The following CFAP61 variants were observed in gnomAD, a reference collection of about 807,000 sequenced individuals.
The protein encoded by CFAP61 is cilia- and flagella-associated protein 61.
A neutral mutation model predicts 135.6 loss-of-function variants in CFAP61; 107 were observed. The ratio of observed to expected loss-of-function variants is 0.79; its 90% CI spans 0.67 to 0.93. The LOEUF is 0.93. CFAP61 is among the 40% of genes least tolerant of loss of function. The pLI, the probability that CFAP61 is intolerant of heterozygous loss-of-function variation, is 0.00. For missense variants in CFAP61, 1,507 were observed against 1,556.2 expected (o/e 0.97, Z 0.53); for synonymous variants, 575 against 578.5 (o/e 0.99, Z 0.09).
At position 20,196,636 on chromosome 20, in the gene CFAP61, G is replaced by A. The variant is rs116476718; in HGVS notation, c.1657G>A (p.Glu553Lys). Reference sequence around the variant, plus strand: ...CATCTACTTCAGTCACCACCAGCGCGAAGAACACGGGCACATGCATCACTT... The same window carrying A: ...CATCTACTTCAGTCACCACCAGCGCAAAGAACACGGGCACATGCATCACTT... Reference protein sequence around the residue: ...DFIYFSHHQREEHGHMHHFAL... With the variant: ...DFIYFSHHQRKEHGHMHHFAL... The change falls in exon 16 of 27, where the codon GAA (glutamate) becomes AAA (lysine). Residue 553 changes from glutamate to lysine, a missense_variant. Glu to Lys is a moderately conservative substitution (Grantham distance 56, BLOSUM62 1). Transcript: ENST00000245957. 2,298 of 1,614,092 alleles carry A rather than the reference G, an allele frequency of 1.4e-3. 20 individuals are homozygous for A. Among genetic ancestry groups the A allele is most frequent in the South Asian group, 0.011 (968 of 91,078 alleles).
At chr20:20,285,119 C>T (rs1169350682) in intron 22 of CFAP61, among the ~76,000 whole-genome samples, 1 of 152,174 alleles carries the variant, frequency 6.6e-6, no homozygotes, top group Non-Finnish European at 1.5e-5. Flanking sequence ...CCACCATCTT[C>T]CAACATCCAT....
intron 7 of CFAP61, among the ~76,000 whole-genome samples, chr20:20,094,180 T>A (rs1017908407): frequency 2.0e-5 from 3 of 152,254 alleles, no homozygotes. Flanking sequence ...ATTTATTTTT[T>A]AAATGTTTAT....
chr20:20,094,243 C>T (rs1223319735), intron 7 of CFAP61, among the ~76,000 whole-genome samples: 4 of 152,104 alleles, frequency 2.6e-5, no homozygotes, highest in African/African-American at 7.2e-5. Context: ...CCCGCTTTCA[C>T]GTATTCTTGT....
At chr20:20,303,813 G>T (rs887513289) in intron 25 of CFAP61, among the ~76,000 whole-genome samples, 5 of 152,204 alleles carry the variant, frequency 3.3e-5, no homozygotes, top group African/African-American at 1.2e-4. Context: ...CGGGAGGGCT[G>T]ACAGTTAACC....
rs546781367 is a variant in CFAP61 at position 20,096,555 on chromosome 20, G to T, written c.700-2100G>T. ...TCATACACATGCAGCTCGCTGTGAA[G>T]CCAGCAAAAGGTATTTCAGGCCATC... On this transcript the variant is annotated intron_variant, in intron 7 of 26. Coordinates refer to ENST00000245957, the MANE Select transcript of CFAP61 (RefSeq NM_015585.4). Among the ~76,000 whole-genome samples the T allele has an allele frequency of 2.2e-4, 34 of 152,352 alleles. No homozygotes were observed. The South Asian group carries it at 6.4e-3, about 29-fold the overall frequency.
chr20:20,071,874 T>C (rs974645543), intron 3 of CFAP61, among the ~76,000 whole-genome samples: 19 of 152,118 alleles, frequency 1.2e-4, no homozygotes, highest in African/African-American at 4.6e-4. Context: ...GTCAGAAAAA[T>C]TATCGCAAAC....
At chr20:20,326,808 G>A (rs558209411) in intron 25 of CFAP61, among the ~76,000 whole-genome samples, 9 of 152,114 alleles carry the variant, frequency 5.9e-5, no homozygotes, top group African/African-American at 1.7e-4. Context: ...TATTCTTTCC[G>A]AATGTATTAT....
At chr20:20,182,807 T>C (rs73283146) in intron 13 of CFAP61, among the ~76,000 whole-genome samples, 13 of 152,368 alleles carry the variant, frequency 8.5e-5, no homozygotes, top group African/African-American at 3.1e-4. Context: ...TTGTTTGCTA[T>C]GAGAATGCTT....
At chr20:20,249,567 C>T (rs1010067559) in intron 19 of CFAP61, among the ~76,000 whole-genome samples, 2 of 152,088 alleles carry the variant, frequency 1.3e-5, no homozygotes, top group Non-Finnish European at 2.9e-5. Flanking sequence ...AATGTAGTAA[C>T]ATATTGTAAC....
At position 20,168,552 on chromosome 20, in the gene CFAP61, G is replaced by A. The variant is rs1450260784; in HGVS notation, c.1246-769G>A. 9.9e-5 allele frequency among the ~76,000 whole-genome samples: 15 copies of A among 152,244 alleles called. No individual in the cohort carries two copies. The East Asian group carries it at 2.7e-3, about 27-fold the overall frequency. ...TGTTATAAAATTTACAGTTGGATACGTAGATTCACATAATCCAAGCACACA... is the reference window on the plus strand; with the variant it reads ...TGTTATAAAATTTACAGTTGGATACATAGATTCACATAATCCAAGCACACA... On this transcript the variant is annotated intron_variant, in intron 12 of 26. Transcript: ENST00000245957.
At chr20:20,181,107 C>T (rs139747015) in intron 13 of CFAP61, among the ~76,000 whole-genome samples, 18 of 151,594 alleles carry the variant, frequency 1.2e-4, no homozygotes, top group Admixed American at 4.6e-4. Flanking sequence ...ACCCCAATGA[C>T]ACAAGTTTGT....
At chr20:20,066,243 T>C (rs1189285187) in intron 2 of CFAP61, among the ~76,000 whole-genome samples, 2 of 152,166 alleles carry the variant, frequency 1.3e-5, no homozygotes, top group African/African-American at 4.8e-5. Context: ...TGTAAATTAG[T>C]TCAACCATTG....
At chr20:20,238,910 A>G (rs181402288) in intron 18 of CFAP61, among the ~76,000 whole-genome samples, 1 of 151,964 alleles carries the variant, frequency 6.6e-6, no homozygotes. Flanking sequence ...GTGAAAATGC[A>G]GGTGCCCTTG....
At chr20:20,265,386 T>C (rs541315358) in intron 21 of CFAP61, 77 of 779,674 alleles carry the variant, frequency 9.9e-5, no homozygotes, top group Non-Finnish European at 1.7e-4. Flanking sequence ...CTCTTTCATG[T>C]GCCTTTGTAT....
chr20:20,191,220 A>G, intron 14 of CFAP61, 122 bp from the exon 15 acceptor site: 1 of 634,370 alleles, frequency 1.6e-6, no homozygotes, highest in South Asian at 2.7e-5. Context: ...GGCCAAAAGT[A>G]GGTGTTGATA....
chr20:20,289,031 A>G, intron 23 of CFAP61, 95 bp downstream of exon 23: 1 of 926,592 alleles, frequency 1.1e-6, no homozygotes, highest in South Asian at 1.7e-5. Context: ...AGGCTTGGGG[A>G]AAAGGCTCCT....
At chr20:20,085,360 A>T in intron 6 of CFAP61, 1 of 1,311,498 alleles carries the variant, frequency 7.6e-7, no homozygotes, top group Non-Finnish European at 1.0e-6. Context: ...CTGATGTCAT[A>T]CTTTATCATT....
At position 20,298,198 on chromosome 20, in the gene CFAP61, C is replaced by T. The variant is rs201893496; in HGVS notation, c.3234C>T (p.Thr1078=). 7.7e-5 allele frequency: 124 copies of T among 1,613,304 alleles called. No homozygotes were observed. Among genetic ancestry groups the T allele is most frequent in the Admixed American group, 6.0e-4 (36 of 59,998 alleles). Residue 1078 remains threonine (T), a synonymous_variant, in exon 25 of 27, where the codon ACC becomes ACT. Transcript: ENST00000245957. Reference sequence around the variant, plus strand: ...TCCTCCAGGGTTTAGAACTAGTAACCGGCAGTGCGAAAAATGGGACTTACT... The same window carrying T: ...TCCTCCAGGGTTTAGAACTAGTAACTGGCAGTGCGAAAAATGGGACTTACT... ...AQPNYGLELV[T]GSAKNGTYFR...
intron 18 of CFAP61, among the ~76,000 whole-genome samples, chr20:20,240,582 T>G (rs2049947824): frequency 6.6e-6 from 1 of 152,074 alleles, no homozygotes; most frequent in East Asian, 1.9e-4. Context: ...ATCTTTTTTT[T>G]TTTTGCCTGG....
Sources: gnomAD v4.1 joint callset for allele counts (sites outside exome capture counted in the v4.1 genomes callset) on GRCh38, gnomAD v4.1.1 for gene constraint, MANE v1.5 for transcripts, NCBI Gene and HGNC (gene_info 2026-07-23, HGNC 2026-07-21) for gene names.